PTPRT: variants seen among roughly 807,000 people sequenced by gnomAD.
PTPRT encodes the protein protein tyrosine phosphatase receptor type T, also known as receptor-type tyrosine-protein phosphatase T.
A neutral mutation model predicts 176.8 loss-of-function variants in PTPRT; 56 were observed. That is an observed-to-expected ratio of 0.32 (90% confidence interval 0.26 to 0.40). PTPRT has a LOEUF of 0.40. Ranked by LOEUF, PTPRT falls within the 10% of genes least tolerant of loss-of-function variation. The probability of loss-of-function intolerance (pLI) is 1.00; values close to 1 mark genes in which losing one functional copy is unlikely to be tolerated. For synonymous variants in PTPRT, 783 were observed against 739.0 expected, an observed-to-expected ratio of 1.06 and a Z score of -0.96; for missense variants, 1,540 against 1,908.2, an observed-to-expected ratio of 0.81 and a Z score of 3.60.
chr20:42,106,960 G>T (rs1464448614), intron 23 of PTPRT, 39 bp from the exon 24 acceptor site: 1 of 1,602,788 alleles, frequency 6.2e-7, no homozygotes, highest in African/African-American at 1.3e-5. Context: ...GATCTTCATG[G>T]GGGGAACCTG....
At position 42,980,861 on chromosome 20, in the gene PTPRT, G is replaced by A. The variant is rs574774641; in HGVS notation, c.89-94929C>T. On this transcript the variant is annotated intron_variant, in intron 1 of 30. Coordinates refer to ENST00000373187, the MANE Select transcript of PTPRT (RefSeq NM_007050.6). ...GTCATTTACTAGTTTTACAACCCAAGTAATGTCTTTCTCAAGGACCTGGGA... is the reference window on the plus strand; with the variant it reads ...GTCATTTACTAGTTTTACAACCCAAATAATGTCTTTCTCAAGGACCTGGGA... Among the ~76,000 whole-genome samples the A allele has an allele frequency of 3.0e-4, 46 of 152,266 alleles. No homozygotes were observed. In the South Asian group the frequency reaches 9.1e-3, roughly 30 times the overall value.
intron 2 of PTPRT, among the ~76,000 whole-genome samples, chr20:42,852,674 A>G (rs892658490): frequency 1.3e-5 from 2 of 152,116 alleles, no homozygotes; most frequent in Non-Finnish European, 2.9e-5. Context: ...GCCTTCATTC[A>G]TGGATTCTGT....
chr20:42,836,792 A>G (rs907187126), intron 2 of PTPRT, among the ~76,000 whole-genome samples: 2 of 152,232 alleles, frequency 1.3e-5, no homozygotes, highest in Admixed American at 6.5e-5. Flanking sequence ...TTAGATGACA[A>G]TAAGTCGTGT....
chr20:42,502,405 AACACACACACACACACACACACAC>A lies in PTPRT; in HGVS notation c.1154-29867_1154-29844del, dbSNP rs11467404. 3.4e-3 allele frequency among the ~76,000 whole-genome samples: 461 copies of A among 137,410 alleles called. 19 individuals are homozygous for A. The South Asian group carries it at 0.1, about 31-fold the overall frequency. 90.1% of individuals were successfully genotyped at this position (137,410 alleles called of 152,430 possible). ...CTAGAAAAAATTACATATGTATACAAACACACACACACACACACACACACACACACACACACACACACATCTCAA... is the reference window on the plus strand; with the variant it reads ...CTAGAAAAAATTACATATGTATACAAACACACACACACACACACATCTCAA... On this transcript the variant is annotated intron_variant, in intron 7 of 30. Transcript: ENST00000373187.
intron 9 of PTPRT, among the ~76,000 whole-genome samples, chr20:42,368,271 A>G (rs1032572349): frequency 6.6e-6 from 1 of 152,228 alleles, no homozygotes; most frequent in Non-Finnish European, 1.5e-5. Flanking sequence ...GCATCTGAGA[A>G]GATGACCACT....
intron 7 of PTPRT, among the ~76,000 whole-genome samples, chr20:42,650,338 C>T (rs1424908895): frequency 4.6e-5 from 7 of 152,112 alleles, no homozygotes; most frequent in Non-Finnish European, 1.0e-4. Context: ...CTGCCAGATG[C>T]TATTAACAAG....
chr20:42,693,731 A>G (rs1174824232), intron 6 of PTPRT, among the ~76,000 whole-genome samples: 1 of 152,156 alleles, frequency 6.6e-6, no homozygotes, highest in African/African-American at 2.4e-5. Flanking sequence ...CTATAGACCT[A>G]TATGTAAAAG....
chr20:42,747,286 G>T (rs2076704292), intron 6 of PTPRT, among the ~76,000 whole-genome samples: 1 of 152,114 alleles, frequency 6.6e-6, no homozygotes, highest in Non-Finnish European at 1.5e-5. Context: ...GTAAAGTAAG[G>T]ACCTGAGCAC....
intron 7 of PTPRT, among the ~76,000 whole-genome samples, chr20:42,553,514 C>A (rs1259072604): frequency 6.6e-6 from 1 of 151,866 alleles, no homozygotes; most frequent in Non-Finnish European, 1.5e-5. Context: ...CTGTCACTGA[C>A]TTTTACCTTC....
rs1167571912 is a variant in PTPRT, at chr20:42,634,011, AAT to A, written c.1153+43853_1153+43854del. Among the ~76,000 whole-genome samples, 47 of 18,190 alleles carry A rather than the reference AAT, an allele frequency of 2.6e-3. 1 individual carries two copies. The highest frequency in any genetic ancestry group is 0.01 in the East Asian group (5 of 486). 11.9% of individuals were successfully genotyped at this position (18,190 alleles called of 152,430 possible). A position where few individuals can be genotyped will look rare whatever the true frequency, so the allele number is the denominator to read the frequency against. The stretch of plus-strand genomic sequence containing the variant: ...TATATTATATATATTATATATATAT[AAT>A]ATATATATAATATATATATTATATA... On this transcript the variant is annotated intron_variant, in intron 7 of 30. Coordinates refer to ENST00000373187, the MANE Select transcript of PTPRT (RefSeq NM_007050.6).
chr20:42,712,213 G>T (rs560283109), intron 6 of PTPRT, among the ~76,000 whole-genome samples: 129 of 152,220 alleles, frequency 8.5e-4, no homozygotes, highest in African/African-American at 3.0e-3. Context: ...AGGTCCAGGT[G>T]CCAAGATAGT....
At chr20:42,605,029 T>G (rs2073849855) in intron 7 of PTPRT, among the ~76,000 whole-genome samples, 1 of 152,132 alleles carries the variant, frequency 6.6e-6, no homozygotes, top group South Asian at 2.1e-4. Context: ...AGGAAAAGCA[T>G]CTCAGAGTCT....
intron 7 of PTPRT, among the ~76,000 whole-genome samples, chr20:42,526,956 C>CTTTTTTTTTTTTTTT (rs915511549): frequency 5.1e-5 from 4 of 78,714 alleles, no homozygotes; most frequent in Non-Finnish European, 9.3e-5. Context: ...GTTCTTTTTT[C>CTTTTTTTTTTTTTTT]TTTTTTTTTT....
rs541991126 is a variant in PTPRT, at chr20:42,775,562, C to T, written c.569-4012G>A. 3.3e-5 allele frequency among the ~76,000 whole-genome samples: 5 copies of T among 152,226 alleles called. No individual in the cohort carries two copies. In the South Asian group the frequency reaches 6.2e-4, roughly 19 times the overall value. On this transcript the variant is annotated intron_variant, in intron 4 of 30. Transcript: ENST00000373187. ...AGGATAGAATACTTTTAGAATAACA[C>T]AAAAATGTTAAATGGGCTATAAAAT... is the stretch of plus-strand genomic sequence containing the variant.
the PTPRT span, among the ~76,000 whole-genome samples, chr20:42,050,632 G>A: frequency 1.3e-5 from 2 of 152,218 alleles, no homozygotes; most frequent in African/African-American, 4.8e-5. Flanking sequence ...TATTCCTTGT[G>A]AAGGAATATG....
intron 7 of PTPRT, among the ~76,000 whole-genome samples, chr20:42,596,048 A>T (rs1317644686): frequency 1.3e-5 from 2 of 152,166 alleles, no homozygotes; most frequent in East Asian, 3.9e-4. Flanking sequence ...AGCCTCCAAC[A>T]ATAATTTATT....
chr20:42,361,441 T>C (rs571419475), intron 9 of PTPRT, among the ~76,000 whole-genome samples: 2 of 152,318 alleles, frequency 1.3e-5, no homozygotes, highest in East Asian at 3.9e-4. Context: ...GACTTGGGAC[T>C]GCTCTCACCG....
intron 1 of PTPRT, among the ~76,000 whole-genome samples, chr20:42,916,005 G>A (rs1978720162): frequency 6.6e-6 from 1 of 151,974 alleles, no homozygotes; most frequent in African/African-American, 2.4e-5. Flanking sequence ...GGGTACAGGT[G>A]CACAATGTGC....
At chr20:42,204,162 C>T (rs949991327) in intron 15 of PTPRT, among the ~76,000 whole-genome samples, 18 of 152,130 alleles carry the variant, frequency 1.2e-4, no homozygotes, top group Non-Finnish European at 2.5e-4. Context: ...CTGGAATATT[C>T]GTAACTAGAA....
Sources: gnomAD v4.1 joint callset for allele counts (sites outside exome capture counted in the v4.1 genomes callset) on GRCh38, gnomAD v4.1.1 for gene constraint, MANE v1.5 for transcripts, NCBI Gene and HGNC (gene_info 2026-07-23, HGNC 2026-07-21) for gene names.